Variants in KIF6 observed in about 807,000 individuals in gnomAD.
The protein encoded by KIF6 is kinesin-like protein KIF6.
Under a neutral mutation model 112.7 loss-of-function variants are expected in KIF6, and 106 were observed. That is an observed-to-expected ratio of 0.94 (90% CI 0.80 to 1.11). The LOEUF (loss-of-function observed/expected upper bound fraction) is 1.11. Among genes scored for constraint, KIF6 ranks in the 50% least tolerant of loss-of-function variants. KIF6 has a pLI of 0.00. For missense variants in KIF6, 929 were observed against 964.0 expected (o/e 0.96, Z 0.48); for synonymous variants, 339 against 339.9 (o/e 1.00, Z 0.03).
intron 13 of KIF6, among the ~76,000 whole-genome samples, chr6:39,447,155 T>C (rs1772382426): frequency 1.3e-5 from 2 of 152,150 alleles, no homozygotes; most frequent in South Asian, 4.1e-4. Context: ...ACTGTTTCTG[T>C]GTTCTCTGCT....
chr6:39,583,836 A>G lies in KIF6; in HGVS notation c.1077+1062T>C, dbSNP rs528906085. 5.9e-5 allele frequency among the ~76,000 whole-genome samples: 9 copies of G among 152,094 alleles called. No homozygotes were observed. In the South Asian group the frequency reaches 1.2e-3, roughly 21 times the overall value. ...CAATTGAGATAGTTTAACATTTTCA[A>G]TGTTGGCATAAATGGATTCAGTGTT... On this transcript the variant is annotated intron_variant, in intron 9 of 22. Coordinates refer to ENST00000287152, the MANE Select transcript of KIF6 (RefSeq NM_145027.6).
chr6:39,426,662 G>C (rs527410600), intron 14 of KIF6, among the ~76,000 whole-genome samples: 3 of 152,026 alleles, frequency 2.0e-5, no homozygotes, highest in Non-Finnish European at 4.4e-5. Flanking sequence ...GAGGCAGGAG[G>C]ATCACTTGAA....
At chr6:39,341,439 C>T (rs970850446) in intron 22 of KIF6, among the ~76,000 whole-genome samples, 3 of 152,194 alleles carry the variant, frequency 2.0e-5, no homozygotes, top group African/African-American at 4.8e-5. Context: ...CCTCTCTCTC[C>T]GCAACTGTTG....
At chr6:39,396,948 T>G (rs946228721) in intron 15 of KIF6, among the ~76,000 whole-genome samples, 5 of 152,176 alleles carry the variant, frequency 3.3e-5, no homozygotes, top group Admixed American at 3.3e-4. Flanking sequence ...CTGTTCCCTT[T>G]TAGAAAAGCA....
intron 10 of KIF6, among the ~76,000 whole-genome samples, chr6:39,559,989 T>C (rs1476968518): frequency 6.6e-6 from 1 of 152,214 alleles, no homozygotes; most frequent in Non-Finnish European, 1.5e-5. Context: ...ATACAAAACA[T>C]TATTTGTTAT....
chr6:39,676,730 A>C (rs1787161398), intron 3 of KIF6, among the ~76,000 whole-genome samples: 1 of 152,150 alleles, frequency 6.6e-6, no homozygotes, highest in Non-Finnish European at 1.5e-5. Flanking sequence ...AATTTTTAAC[A>C]ATAGCCACTA....
intron 11 of KIF6, 52 bp downstream of exon 11, chr6:39,545,531 C>T: frequency 4.3e-6 from 6 of 1,387,594 alleles, no homozygotes; most frequent in East Asian, 2.3e-5. Context: ...AGTTTTTTTG[C>T]AGCTTGAACA....
chr6:39,510,566 C>T (rs999647414), intron 13 of KIF6, among the ~76,000 whole-genome samples: 3 of 152,122 alleles, frequency 2.0e-5, no homozygotes, highest in Non-Finnish European at 4.4e-5. Context: ...TGGAAAGGAA[C>T]AACTGGTACC....
chr6:39,527,332 A>G (rs11752438), intron 13 of KIF6, among the ~76,000 whole-genome samples: 12,288 of 151,964 alleles, frequency 0.081, 637 homozygotes, highest in African/African-American at 0.15. Context: ...CTATCTCCCT[A>G]TGTTCCTCTC....
intron 3 of KIF6, 91 bp from the exon 4 acceptor site, chr6:39,639,848 C>A (rs1206723483): frequency 8.0e-6 from 9 of 1,129,500 alleles, no homozygotes; most frequent in Non-Finnish European, 1.0e-5. Flanking sequence ...TCTTATTAAA[C>A]ACTATTAAAA....
intron 10 of KIF6, among the ~76,000 whole-genome samples, chr6:39,572,378 G>C (rs1006851137): frequency 1.3e-5 from 2 of 151,704 alleles, no homozygotes; most frequent in Non-Finnish European, 2.9e-5. Flanking sequence ...GTAATTTTTT[G>C]TATCCTATAC....
intron 10 of KIF6, among the ~76,000 whole-genome samples, chr6:39,572,050 T>C (rs898315603): frequency 9.9e-5 from 15 of 152,170 alleles, no homozygotes; most frequent in African/African-American, 1.2e-4. Context: ...AGTGAGTAAA[T>C]AATGTATTAA....
At chr6:39,643,332 T>C (rs2150774890) in intron 3 of KIF6, among the ~76,000 whole-genome samples, 1 of 152,280 alleles carries the variant, frequency 6.6e-6, no homozygotes, top group East Asian at 1.9e-4. Context: ...ATAAAATTTA[T>C]ACAGAAAGTC....
intron 10 of KIF6, among the ~76,000 whole-genome samples, chr6:39,565,034 A>T (rs1031934162): frequency 6.6e-6 from 1 of 152,254 alleles, no homozygotes; most frequent in Non-Finnish European, 1.5e-5. Flanking sequence ...ACAAGTATCC[A>T]TATTGTACTG....
chr6:39,698,828 A>C (rs1788703827), intron 3 of KIF6, among the ~76,000 whole-genome samples: 1 of 152,226 alleles, frequency 6.6e-6, no homozygotes, highest in Non-Finnish European at 1.5e-5. Flanking sequence ...ACACTATTTA[A>C]TTAGCACACA....
chr6:39,613,093 C>T (rs933333575), intron 6 of KIF6, 96 bp downstream of exon 6: 9 of 976,940 alleles, frequency 9.2e-6, no homozygotes, highest in Non-Finnish European at 1.1e-5. Context: ...CATTGTTGGC[C>T]CTAAACTTCT....
At chr6:39,419,558 A>C (rs1770196222) in intron 15 of KIF6, among the ~76,000 whole-genome samples, 1 of 152,092 alleles carries the variant, frequency 6.6e-6, no homozygotes, top group Non-Finnish European at 1.5e-5. Flanking sequence ...CCTGTGCCAA[A>C]TATGCTAAGC....
chr6:39,351,384 C>T (rs920354353), intron 19 of KIF6, among the ~76,000 whole-genome samples: 5 of 152,064 alleles, frequency 3.3e-5, no homozygotes, highest in African/African-American at 9.6e-5. Flanking sequence ...GCATGTGCCA[C>T]CACGCCCGGC....
chr6:39,587,087 T>C (rs1781679065), intron 7 of KIF6, among the ~76,000 whole-genome samples: 1 of 152,180 alleles, frequency 6.6e-6, no homozygotes, highest in South Asian at 2.1e-4. Context: ...CACCTTACTC[T>C]TCATGAGTTC....
Sources: allele counts gnomAD v4.1 joint callset (sites outside exome capture counted in the v4.1 genomes callset), GRCh38; gene constraint gnomAD v4.1.1; transcripts MANE v1.5; gene names NCBI Gene and HGNC (gene_info 2026-07-23, HGNC 2026-07-21).